CYP11B2: variants seen among roughly 807,000 people sequenced by gnomAD.
CYP11B2 encodes the protein cytochrome P450 11B2, mitochondrial.
Under a neutral mutation model 49.3 loss-of-function variants are expected in CYP11B2, and 38 were observed. The observed-to-expected ratio is 0.77, with a 90% CI of 0.59 to 1.01. CYP11B2 has a LOEUF of 1.01. Among genes scored for constraint, CYP11B2 ranks in the 50% least tolerant of loss-of-function variants. The pLI, the probability that CYP11B2 is intolerant of heterozygous loss-of-function variation, is 0.00. For missense variants in CYP11B2, 669 were observed against 655.5 expected (o/e 1.02, Z -0.23); for synonymous variants, 290 against 269.3 (o/e 1.08, Z -0.75).
At chr8:142,912,246 G>A (rs569205274) in intron 8 of CYP11B2, among the ~76,000 whole-genome samples, 153 bp from the exon 9 acceptor site, 30 of 152,074 alleles carry the variant, frequency 2.0e-4, no homozygotes, top group African/African-American at 5.8e-4. Context: ...CCCACCTTAC[G>A]GACCAGGCCC....
Position 142,914,917 on chromosome 8 carries a change from A to T in CYP11B2, c.596-9T>A. On this transcript the variant is annotated splice_polypyrimidine_tract_variant and intron_variant, in intron 3 of 8. Coordinates refer to ENST00000323110, the MANE Select transcript of CYP11B2 (RefSeq NM_000498.3). ...AAGAGCTAAGTTGCTGGCTGCGGGG[A>T]GGATGCACTGCTGAGCACAAGGCAG... 3.1e-6 allele frequency: 5 copies of T among 1,613,426 alleles called. No homozygotes were observed. The highest frequency in any genetic ancestry group is 4.2e-6 in the Non-Finnish European group (5 of 1,179,886).
chr8:142,916,768 A>T, intron 2 of CYP11B2, among the ~76,000 whole-genome samples: 1 of 152,178 alleles, frequency 6.6e-6, no homozygotes, highest in East Asian at 1.9e-4. Flanking sequence ...AAGAGAAAGC[A>T]GCCGCCGAGG....
At chr8:142,916,914 C>T (rs1459531292) in intron 2 of CYP11B2, 145 bp downstream of exon 2, 14 of 1,305,700 alleles carry the variant, frequency 1.1e-5, no homozygotes, top group South Asian at 3.8e-5. Context: ...ACAGGATGGC[C>T]GTCCTCTGGG....
At chr8:142,913,580 A>C (rs1455776428) in intron 5 of CYP11B2, 129 bp from the exon 6 acceptor site, 8 of 1,109,786 alleles carry the variant, frequency 7.2e-6, no homozygotes, top group Middle Eastern at 1.9e-4. Flanking sequence ...GAGCCCTGGG[A>C]CCCCGGATCT....
chr8:142,917,776 C>T lies in CYP11B2; in HGVS notation c.65G>A (p.Arg22Gln), dbSNP rs200559721. 132 of 1,614,194 alleles carry T rather than the reference C, an allele frequency of 8.2e-5. No individual in the cohort carries two copies. Among genetic ancestry groups the T allele is most frequent in the South Asian group, 3.4e-4 (31 of 91,082 alleles). Reference sequence around the variant, plus strand: ...CCGAGCGGCTCTAGTGCCCAGTGCCCGTGCCCTTTGCAGGGACAGCCAGGG... The same window carrying T: ...CCGAGCGGCTCTAGTGCCCAGTGCCTGTGCCCTTTGCAGGGACAGCCAGGG... ...AAPWLSLQRA[R>Q]ALGTRAARAP... The change falls in exon 1 of 9, where the codon CGG (arginine) becomes CAG (glutamine). Residue 22 changes from arginine to glutamine, a missense_variant. Coordinates refer to ENST00000323110, the MANE Select transcript of CYP11B2 (RefSeq NM_000498.3).
In CYP11B2 at chr8:142,913,414, G is replaced by A. The variant is rs1339282672; in HGVS notation, c.992C>T (p.Ala331Val). The A allele has an allele frequency of 6.2e-7, 1 of 1,614,034 alleles. No homozygotes were observed. Among genetic ancestry groups the A allele is most frequent in the African/African-American group, 1.3e-5 (1 of 75,048 alleles). ...GATCTGCTGCACGTCGGGGTTCCGAGCCAGCTCAAAGAGCGTCATCAGCAA... is the reference window on the plus strand; with the variant it reads ...GATCTGCTGCACGTCGGGGTTCCGAACCAGCTCAAAGAGCGTCATCAGCAA... ...FPLLMTLFEL[A>V]RNPDVQQILR... Residue 331 changes from alanine to valine, a missense_variant, in exon 6 of 9, where the codon GCT becomes GTT. Transcript: ENST00000323110.
At chr8:142,915,533 C>G (rs1165927438) in intron 2 of CYP11B2, among the ~76,000 whole-genome samples, 1 of 137,720 alleles carries the variant, frequency 7.3e-6, no homozygotes, top group African/African-American at 2.5e-5. Flanking sequence ...AAGTCTGGCA[C>G]CACCTCACCC....
At chr8:142,912,920 G>A in intron 6 of CYP11B2, 35 bp from the exon 7 acceptor site, 1 of 1,582,308 alleles carries the variant, frequency 6.3e-7, no homozygotes, top group Non-Finnish European at 8.7e-7. Flanking sequence ...AGGGTCCTCA[G>A]CTGGATGGGG....
In CYP11B2 at chr8:142,914,138, G is replaced by A. The variant is rs1817592398; in HGVS notation, c.954+126C>T. ...TAACAAAGGAGGGGGAAGGCTGAGG[G>A]CAACAGAAATGTGGGGCCTGTAGCC... On this transcript the variant is annotated intron_variant, in intron 5 of 8. Coordinates refer to ENST00000323110, the MANE Select transcript of CYP11B2 (RefSeq NM_000498.3). 10 of 1,097,330 alleles carry A rather than the reference G, an allele frequency of 9.1e-6. No homozygotes were observed. In the East Asian group the frequency reaches 1.2e-4, roughly 13 times the overall value. 68.0% of individuals were successfully genotyped at this position (1,097,330 alleles called of 1,614,324 possible).
Position 142,914,333 on chromosome 8 carries a change from C to G in CYP11B2, c.885G>C (p.Leu295Phe). ...TGGCTTCTAGTGACAGTTCCGCCTT[C>G]AACAGGAGCTCCGCCACGATGCCTG... is the stretch of plus-strand genomic sequence containing the variant. The part of the protein sequence containing the change: ...HYTGIVAELL[L>F]KAELSLEAIK... The change falls in exon 5 of 9, where the codon TTG becomes TTC. Residue 295 changes from leucine to phenylalanine, a missense_variant. Transcript: ENST00000323110. 1 of 1,613,974 alleles carries G rather than the reference C, an allele frequency of 6.2e-7. No individual in the cohort carries two copies. The highest frequency in any genetic ancestry group is 1.1e-5 in the South Asian group (1 of 91,068).
chr8:142,915,174 C>T lies in CYP11B2; in HGVS notation c.467G>A (p.Arg156Lys). 3 of 1,614,198 alleles carry T rather than the reference C, an allele frequency of 1.9e-6. No homozygotes were observed. Among genetic ancestry groups the T allele is most frequent in the Non-Finnish European group, 2.5e-6 (3 of 1,180,014 alleles). Residue 156 changes from arginine to lysine, a missense_variant, in exon 3 of 9, where the codon AGG becomes AAG. Physicochemically the swap from Arg to Lys is conservative, Grantham distance 26. Coordinates refer to ENST00000323110, the MANE Select transcript of CYP11B2 (RefSeq NM_000498.3). ...PDVLSPKAVQ[R>K]FLPMVDAVAR... ...CACTGCATCCACCATCGGGAGGAAC[C>T]TCTGCACGGCCTTGGGCGACAGCAC...
Position 142,911,272 on chromosome 8 carries a change from G to A in CYP11B2, c.*708C>T, listed in dbSNP as rs1248205405. On this transcript the variant is annotated 3_prime_UTR_variant, in exon 9 of 9. Transcript: ENST00000323110. ...CCAGGGGACAGCTCAGGAAGCAGAG[G>A]ACCCAACACTCGCTGCTTGAACAAG... 2 of 152,384 alleles carry A rather than the reference G, an allele frequency of 1.3e-5. No homozygotes were observed. Among genetic ancestry groups the A allele is most frequent in the African/African-American group, 2.4e-5 (1 of 41,404 alleles). The allele number at this position is 152,384 out of a possible 1,614,324, so 9.4% of individuals were successfully genotyped here.
chr8:142,912,465 C>T (rs1303699460), intron 8 of CYP11B2, 65 bp downstream of exon 8: 2 of 1,546,688 alleles, frequency 1.3e-6, no homozygotes, highest in Admixed American at 1.7e-5. Flanking sequence ...ATGCAAGCCC[C>T]GCCCCCAGTG....
At chr8:142,915,411 G>T (rs1486156193) in intron 2 of CYP11B2, among the ~76,000 whole-genome samples, 166 bp from the exon 3 acceptor site, 1 of 151,498 alleles carries the variant, frequency 6.6e-6, no homozygotes, top group Admixed American at 6.6e-5. Context: ...TTCTCAGAGC[G>T]GCCTCCAGGT....
chr8:142,912,320 C>G (rs1005726427), intron 8 of CYP11B2, among the ~76,000 whole-genome samples: 2 of 152,034 alleles, frequency 1.3e-5, no homozygotes, highest in African/African-American at 4.8e-5. Flanking sequence ...ACCCCACTCC[C>G]CTAGTCCCCA....
rs202188379 is a variant in CYP11B2, at chr8:142,915,103, C to T, written c.538G>A (p.Ala180Thr). The T allele has an allele frequency of 2.0e-5, 33 of 1,613,762 alleles. No individual in the cohort carries two copies. The East Asian group carries it at 4.2e-4, about 21-fold the overall frequency. The change falls in exon 3 of 9, where the codon GCC becomes ACC. Residue 180 changes from alanine (A) to threonine (T), a missense_variant. Physicochemically the swap from Ala to Thr is moderately conservative, Grantham distance 58. Coordinates refer to ENST00000323110, the MANE Select transcript of CYP11B2 (RefSeq NM_000498.3). ...ACGTCCAGGGTCAGGCTCCCCCGGGCGTTCTGCAGCACCTTCTTCTTCAGG... is the reference window on the plus strand; with the variant it reads ...ACGTCCAGGGTCAGGCTCCCCCGGGTGTTCTGCAGCACCTTCTTCTTCAGG... The part of the protein sequence containing the change: ...QALKKKVLQN[A>T]RGSLTLDVQP...
chr8:142,910,720 G>T lies in CYP11B2; in HGVS notation c.*1260C>A, dbSNP rs771771915. On this transcript the variant is annotated 3_prime_UTR_variant, in exon 9 of 9. Coordinates refer to ENST00000323110, the MANE Select transcript of CYP11B2 (RefSeq NM_000498.3). This position sits in a 1 kb window ranked among gnomAD's most constrained non-coding sequence, Gnocchi z 4.6. ...ATGCTGCACTGCATTGCCCAGGGTG[G>T]GAAAGCAACCTGCGGTCACAGGGTG... is the stretch of plus-strand genomic sequence containing the variant. 2.0e-5 allele frequency: 3 copies of T among 152,112 alleles called. No homozygotes were observed. The highest frequency in any genetic ancestry group is 2.9e-5 in the Non-Finnish European group (2 of 68,024). The allele number at this position is 152,112 out of a possible 1,614,324, so 9.4% of individuals were successfully genotyped here.
chr8:142,916,493 C>T (rs1284541241), intron 2 of CYP11B2: 1 of 452,676 alleles, frequency 2.2e-6, no homozygotes, highest in African/African-American at 2.0e-5. Context: ...GAAACATCCT[C>T]CCCAGTGCCA....
intron 5 of CYP11B2, among the ~76,000 whole-genome samples, chr8:142,913,792 G>T (rs1817584683): frequency 6.6e-6 from 1 of 152,106 alleles, no homozygotes; most frequent in Non-Finnish European, 1.5e-5. Flanking sequence ...TCTCCCCACT[G>T]TGCACCCACA....
Sources: gnomAD v4.1 joint callset for allele counts (sites outside exome capture counted in the v4.1 genomes callset) on GRCh38, gnomAD v4.1.1 for gene constraint, Gnocchi (gnomAD v3.1) non-coding constraint, MANE v1.5 for transcripts, NCBI Gene and HGNC (gene_info 2026-07-23, HGNC 2026-07-21) for gene names.